The following RIMS2 variants were observed in gnomAD, a reference collection of about 807,000 sequenced individuals.
RIMS2 encodes the protein regulating synaptic membrane exocytosis 2, also known as regulating synaptic membrane exocytosis protein 2.
A neutral mutation model predicts 174.4 loss-of-function variants in RIMS2; 59 were observed. The observed-to-expected ratio is 0.34, with a 90% CI of 0.27 to 0.42. The LOEUF is 0.42. Among genes scored for constraint, RIMS2 ranks in the 10% least tolerant of loss-of-function variants. The pLI is 1.00. For missense variants in RIMS2, 1,620 were observed against 1,666.3 expected (o/e 0.97, Z 0.48); for synonymous variants, 606 against 572.5 (o/e 1.06, Z -0.84).
chr8:103,734,021 T>G (rs1392749282), intron 2 of RIMS2, among the ~76,000 whole-genome samples: 1 of 106,738 alleles, frequency 9.4e-6, no homozygotes, highest in Admixed American at 8.4e-5. Context: ...CTTCTTTTTT[T>G]TTTTTTTTTT....
At chr8:103,766,609 A>G (rs1336648528) in intron 3 of RIMS2, 72 bp downstream of exon 6, 13 of 1,025,486 alleles carry the variant, frequency 1.3e-5, no homozygotes, top group Middle Eastern at 2.1e-4. Flanking sequence ...ATAACAATAC[A>G]TGAAATGTTT....
At position 103,924,524 on chromosome 8, in the gene RIMS2, G is replaced by A. The variant is rs1029010078; in HGVS notation, c.2196+2740G>A. 4.0e-5 allele frequency among the ~76,000 whole-genome samples: 6 copies of A among 151,692 alleles called. No homozygotes were observed. The East Asian group carries it at 9.7e-4, about 24-fold the overall frequency. ...TATCAACCCTAAGGAAAACTAGGAA[G>A]TCATAAACCAACATGACAATTCCTT... is the stretch of plus-strand genomic sequence containing the variant. On this transcript the variant is annotated intron_variant, in intron 10 of 23. Coordinates refer to ENST00000504942, the Ensembl canonical transcript of RIMS2.
chr8:104,167,869 T>C (rs1039127221), intron 19 of RIMS2, among the ~76,000 whole-genome samples: 3 of 152,058 alleles, frequency 2.0e-5, no homozygotes, highest in African/African-American at 7.2e-5. Flanking sequence ...GACCCAGTTT[T>C]ATTCTTCTGT....
intron 2 of RIMS2, among the ~76,000 whole-genome samples, chr8:103,754,022 G>C (rs2097937168): frequency 6.6e-6 from 1 of 152,202 alleles, no homozygotes; most frequent in Middle Eastern, 3.4e-3. Context: ...TGTGATGTTA[G>C]GGTGTCAATT....
At chr8:103,689,793 A>G (rs1238420324) in intron 1 of RIMS2, among the ~76,000 whole-genome samples, 1 of 152,170 alleles carries the variant, frequency 6.6e-6, no homozygotes, top group African/African-American at 2.4e-5. Context: ...ATTATGGTGT[A>G]TAAACTACTG....
intron 19 of RIMS2, among the ~76,000 whole-genome samples, chr8:104,240,628 G>T (rs1417072205): frequency 6.6e-6 from 1 of 152,088 alleles, no homozygotes; most frequent in Non-Finnish European, 1.5e-5. Context: ...CATGGTCTTG[G>T]TTATGCATTA....
intron 13 of RIMS2, among the ~76,000 whole-genome samples, chr8:103,939,517 G>A (rs1011535622): frequency 2.0e-5 from 3 of 152,362 alleles, no homozygotes; most frequent in Admixed American, 2.0e-4. Context: ...GATGGGAGGG[G>A]CTGCCGTGAA....
rs796572808 is a variant in RIMS2 at position 104,141,954 on chromosome 8, A to G, written c.3335-102962A>G. 3.3e-5 allele frequency among the ~76,000 whole-genome samples: 5 copies of G among 152,092 alleles called. No homozygotes were observed. In the East Asian group the frequency reaches 7.7e-4, roughly 23 times the overall value. On this transcript the variant is annotated intron_variant, in intron 19 of 23. Coordinates refer to ENST00000504942, the Ensembl canonical transcript of RIMS2. ...CACTATCTAAAATTATCAATTATTT[A>G]TATGTTTACTGTCTTTCACTATGAC...
chr8:104,008,587 A>G (rs1048097892), intron 17 of RIMS2, among the ~76,000 whole-genome samples: 2 of 151,526 alleles, frequency 1.3e-5, no homozygotes, highest in Admixed American at 1.3e-4. Context: ...ACGTTTGGTC[A>G]TTTCTTCATG....
intron 17 of RIMS2, among the ~76,000 whole-genome samples, chr8:103,993,905 G>A (rs72683128): frequency 6.6e-6 from 1 of 151,676 alleles, no homozygotes; most frequent in Non-Finnish European, 1.5e-5. Context: ...ATTAGCCCAG[G>A]TGTGGTGGTG....
At chr8:103,579,189 G>A (rs915591647) in intron 1 of RIMS2, among the ~76,000 whole-genome samples, 4 of 151,780 alleles carry the variant, frequency 2.6e-5, no homozygotes, top group African/African-American at 4.8e-5. Flanking sequence ...AATTGCTTGA[G>A]CCTGGGAGTT....
At chr8:103,663,570 T>C (rs2096630475) in intron 1 of RIMS2, among the ~76,000 whole-genome samples, 1 of 152,184 alleles carries the variant, frequency 6.6e-6, no homozygotes. Flanking sequence ...GAATCTAACC[T>C]ACAAGTGATG....
intron 1 of RIMS2, among the ~76,000 whole-genome samples, chr8:103,606,212 G>A (rs1214195392): frequency 7.7e-5 from 11 of 143,734 alleles, no homozygotes; most frequent in Admixed American, 4.8e-4. Context: ...CTTTGTTCTC[G>A]TTGGTTTCAA....
chr8:103,832,664 G>A (rs868003373), intron 3 of RIMS2, among the ~76,000 whole-genome samples: 12 of 152,118 alleles, frequency 7.9e-5, no homozygotes, highest in African/African-American at 2.9e-4. Flanking sequence ...GTATTAATTT[G>A]CTAAGGATAA....
intron 3 of RIMS2, among the ~76,000 whole-genome samples, chr8:103,782,127 C>A (rs1335020105): frequency 7.3e-6 from 1 of 137,436 alleles, no homozygotes; most frequent in East Asian, 2.1e-4. Flanking sequence ...TTTTTTTTTT[C>A]TCTAACACGG....
intron 4 of RIMS2, among the ~76,000 whole-genome samples, chr8:103,895,406 C>T (rs1215264414): frequency 2.0e-5 from 3 of 151,420 alleles, no homozygotes; most frequent in African/African-American, 7.3e-5. Context: ...GCCCTCTTTC[C>T]AAGTTGCAAA....
At chr8:104,023,544 G>T (rs542115342) in intron 19 of RIMS2, among the ~76,000 whole-genome samples, 85 of 152,280 alleles carry the variant, frequency 5.6e-4, no homozygotes, top group African/African-American at 1.9e-3. Context: ...AGCCTGAATA[G>T]AAAAATAATG....
chr8:103,643,671 A>G (rs2096272642), intron 1 of RIMS2, among the ~76,000 whole-genome samples: 1 of 151,936 alleles, frequency 6.6e-6, no homozygotes, highest in Admixed American at 6.6e-5. Flanking sequence ...ACTCCTTACT[A>G]AATAGTTTCT....
chr8:103,596,662 A>C (rs1193822161), intron 1 of RIMS2, among the ~76,000 whole-genome samples: 2 of 152,086 alleles, frequency 1.3e-5, no homozygotes, highest in Non-Finnish European at 2.9e-5. Context: ...CTCCTTGTAC[A>C]TGTGCAATTA....
Sources: gnomAD v4.1 joint callset for allele counts (sites outside exome capture counted in the v4.1 genomes callset) on GRCh38, gnomAD v4.1.1 for gene constraint, MANE v1.5 for transcripts, NCBI Gene and HGNC (gene_info 2026-07-23, HGNC 2026-07-21) for gene names.